The following MAGI1 variants were observed in gnomAD, a reference collection of about 807,000 sequenced individuals.
MAGI1 encodes the protein membrane associated guanylate kinase, WW and PDZ domain containing 1.
A neutral mutation model predicts 139.9 loss-of-function variants in MAGI1; 58 were observed. The ratio of observed to expected loss-of-function variants is 0.41; its 90% confidence interval spans 0.34 to 0.52. The LOEUF (loss-of-function observed/expected upper bound fraction) is 0.52, where lower values mean the gene tolerates loss of function less well. MAGI1 is among the 20% of genes least tolerant of loss of function. MAGI1 has a pLI of 0.12. For synonymous variants in MAGI1, 812 were observed against 737.9 expected, an observed-to-expected ratio of 1.10 and a Z score of -1.63; for missense variants, 1,874 against 1,901.6, an observed-to-expected ratio of 0.99 and a Z score of 0.27.
chr3:65,552,291 C>CGTGTGTGTGTGT (rs2079878660), intron 2 of MAGI1, among the ~76,000 whole-genome samples: 2 of 142,996 alleles, frequency 1.4e-5, no homozygotes, highest in African/African-American at 5.6e-5. Flanking sequence ...TGTGTGTGTC[C>CGTGTGTGTGTGT]CCATTCCAAT....
chr3:65,969,799 C>T (rs2064938174), intron 1 of MAGI1, among the ~76,000 whole-genome samples: 1 of 152,150 alleles, frequency 6.6e-6, no homozygotes, highest in South Asian at 2.1e-4. Flanking sequence ...CTCCTATTAT[C>T]GAAGAACTGC....
At chr3:65,943,256 C>G (rs562281281) in intron 1 of MAGI1, among the ~76,000 whole-genome samples, 1 of 152,160 alleles carries the variant, frequency 6.6e-6, no homozygotes, top group Admixed American at 6.5e-5. Flanking sequence ...TCTCTCTGAA[C>G]CTTCACTCAT....
intron 1 of MAGI1, among the ~76,000 whole-genome samples, chr3:65,718,792 G>C (rs1368106835): frequency 6.6e-6 from 1 of 152,052 alleles, no homozygotes; most frequent in Admixed American, 6.6e-5. Context: ...TGTCACATTT[G>C]TATTTAAATT....
At position 65,453,279 on chromosome 3, in the gene MAGI1, G is replaced by T. The variant is rs1396769656; in HGVS notation, c.1021C>A (p.Leu341Met). ...TTACCATCATCTTCACACTCTTCCA[G>T]TGGCTTCTGCTGCTTGTTTAGGCAC... ...PRCLNKQQKP[L>M]EECEDDEGVH... Residue 341 changes from leucine to methionine, a missense_variant, in exon 6 of 23, where the codon CTG (leucine) becomes ATG (methionine). Physicochemically the swap from Leu to Met is conservative, Grantham distance 15. Around this residue, in one of 5 missense-constraint regions of MAGI1, gnomAD observed 648 missense variants for 598.1 expected, o/e 1.08. Transcript: ENST00000402939. 6.2e-6 allele frequency: 10 copies of T among 1,613,016 alleles called. No individual in the cohort carries two copies. Among genetic ancestry groups the T allele is most frequent in the African/African-American group, 1.3e-5 (1 of 74,552 alleles).
At chr3:65,472,163 C>A (rs929740235) in intron 4 of MAGI1, among the ~76,000 whole-genome samples, 4 of 152,090 alleles carry the variant, frequency 2.6e-5, no homozygotes, top group Non-Finnish European at 4.4e-5. Flanking sequence ...ATTAGGCCAA[C>A]ATAGAAGAAA....
intron 1 of MAGI1, among the ~76,000 whole-genome samples, chr3:66,016,591 A>G (rs1181787407): frequency 6.6e-6 from 1 of 152,220 alleles, no homozygotes; most frequent in East Asian, 1.9e-4. Flanking sequence ...GACTTTGGGT[A>G]AGTGGTGCTC....
At chr3:65,843,059 T>C (rs1249992665) in intron 1 of MAGI1, among the ~76,000 whole-genome samples, 3 of 152,222 alleles carry the variant, frequency 2.0e-5, no homozygotes, top group East Asian at 3.8e-4. Flanking sequence ...CTGGTATTCA[T>C]AACCCTGAAT....
chr3:65,982,962 T>C (rs905145433), intron 1 of MAGI1, among the ~76,000 whole-genome samples: 8 of 152,188 alleles, frequency 5.3e-5, no homozygotes, highest in African/African-American at 1.9e-4. Flanking sequence ...CTCCGTCACC[T>C]AGGCTACAGT....
intron 1 of MAGI1, among the ~76,000 whole-genome samples, chr3:65,770,862 T>C (rs1275149733): frequency 6.6e-6 from 1 of 151,944 alleles, no homozygotes; most frequent in Non-Finnish European, 1.5e-5. Flanking sequence ...CTAATTTGTT[T>C]TTCTATTTTT....
intron 18 of MAGI1, among the ~76,000 whole-genome samples, chr3:65,375,424 T>C (rs1575554012): frequency 6.6e-6 from 1 of 151,790 alleles, no homozygotes; most frequent in Non-Finnish European, 1.5e-5. Context: ...CCTGACCTCA[T>C]GATCCACCCG....
At chr3:65,365,508 C>T (rs925845271) in intron 18 of MAGI1, among the ~76,000 whole-genome samples, 29 of 152,178 alleles carry the variant, frequency 1.9e-4, no homozygotes, top group African/African-American at 6.5e-4. Flanking sequence ...GAACTCCTGA[C>T]AGATCTTGTT....
chr3:65,997,125 T>C (rs1342320238), intron 1 of MAGI1, among the ~76,000 whole-genome samples: 1 of 152,196 alleles, frequency 6.6e-6, no homozygotes, highest in Non-Finnish European at 1.5e-5. Context: ...TGGTTTTTGT[T>C]GTAGGGAGTA....
At chr3:65,638,996 G>A (rs866181528) in intron 1 of MAGI1, among the ~76,000 whole-genome samples, 9 of 152,152 alleles carry the variant, frequency 5.9e-5, no homozygotes, top group Middle Eastern at 3.4e-3. Context: ...CGATTCTCCC[G>A]CCTTGGCCTC....
At chr3:65,900,870 G>A (rs1466991719) in intron 1 of MAGI1, among the ~76,000 whole-genome samples, 1 of 152,202 alleles carries the variant, frequency 6.6e-6, no homozygotes, top group Non-Finnish European at 1.5e-5. Flanking sequence ...CTTCAGTCTG[G>A]ATGAACCCTT....
At chr3:65,823,072 A>G (rs1422513013) in intron 1 of MAGI1, among the ~76,000 whole-genome samples, 3 of 152,232 alleles carry the variant, frequency 2.0e-5, no homozygotes, top group Admixed American at 2.0e-4. Context: ...ATATTTGACA[A>G]CTAAGGTATT....
intron 7 of MAGI1, among the ~76,000 whole-genome samples, chr3:65,443,055 G>C (rs1401946244): frequency 1.3e-5 from 2 of 151,560 alleles, no homozygotes; most frequent in African/African-American, 2.4e-5. Context: ...TTATCTACTG[G>C]TATTTTATGC....
intron 1 of MAGI1, among the ~76,000 whole-genome samples, chr3:66,021,127 C>T (rs567357347): frequency 3.3e-4 from 51 of 152,270 alleles, no homozygotes; most frequent in Non-Finnish European, 3.1e-4. Flanking sequence ...CCATTCAATA[C>T]GGTAGACACT....
intron 1 of MAGI1, among the ~76,000 whole-genome samples, chr3:65,984,699 C>T (rs548728409): frequency 1.4e-4 from 18 of 126,016 alleles, no homozygotes; most frequent in South Asian, 5.2e-4. Flanking sequence ...CCATGCCTTG[C>T]TAATTTTTTT....
chr3:65,640,814 G>T (rs189694534), intron 1 of MAGI1, among the ~76,000 whole-genome samples: 1 of 152,094 alleles, frequency 6.6e-6, no homozygotes, highest in East Asian at 1.9e-4. Context: ...TCCAACTAAC[G>T]AGTGTTCCTA....
Sources: gnomAD v4.1 joint callset for allele counts (sites outside exome capture counted in the v4.1 genomes callset) on GRCh38, gnomAD v4.1.1 for gene constraint, gnomAD v4.1.1 regional missense constraint, MANE v1.5 for transcripts, NCBI Gene and HGNC (gene_info 2026-07-23, HGNC 2026-07-21) for gene names.